Variants in SSBP3 observed in about 807,000 individuals in gnomAD.
SSBP3 encodes the protein single-stranded DNA-binding protein 3.
A neutral mutation model predicts 69.6 loss-of-function variants in SSBP3; 5 were observed. That is an observed-to-expected ratio of 0.07 (90% CI 0.04 to 0.15). The LOEUF is 0.15. SSBP3 is among the 10% of genes least tolerant of loss of function. The pLI is 1.00. For missense variants in SSBP3, 312 were observed against 534.0 expected, an observed-to-expected ratio of 0.58 and a Z score of 4.10; for synonymous variants, 196 against 193.4, an observed-to-expected ratio of 1.01 and a Z score of -0.11.
In SSBP3 at chr1:54,281,540, C is replaced by T. The variant is rs752893277; in HGVS notation, c.277-13G>A. 7 of 1,556,386 alleles carry T rather than the reference C, an allele frequency of 4.5e-6. No individual in the cohort carries two copies. Among genetic ancestry groups the T allele is most frequent in the Non-Finnish European group, 8.7e-7 (1 of 1,149,674 alleles). On this transcript the variant is annotated splice_polypyrimidine_tract_variant and intron_variant, in intron 4 of 17. Coordinates refer to ENST00000610401, the Ensembl canonical transcript of SSBP3. ...CAGCTGCTGCACTCTGTGGAGACAA[C>T]AAGGCAGAGAGTTAGTGGCCAAACC...
intron 14 of SSBP3, among the ~76,000 whole-genome samples, chr1:54,233,057 G>A (rs924328009): frequency 6.6e-6 from 1 of 151,590 alleles, no homozygotes; most frequent in African/African-American, 2.4e-5. Context: ...TGGGATGTGA[G>A]GAGCCCCTCT....
intron 4 of SSBP3, among the ~76,000 whole-genome samples, chr1:54,383,200 C>G (rs1570007006): frequency 6.6e-6 from 1 of 151,288 alleles, no homozygotes; most frequent in Admixed American, 6.6e-5. Flanking sequence ...ACAGTAAAAC[C>G]CCATCTCTAT....
At chr1:54,378,283 C>T (rs75403385) in intron 4 of SSBP3, among the ~76,000 whole-genome samples, 3 of 152,206 alleles carry the variant, frequency 2.0e-5, no homozygotes, top group East Asian at 1.9e-4. Flanking sequence ...CCCTAGTTAT[C>T]GCTAATCCTT....
chr1:54,413,030 A>AG (rs1650031771), intron 1 of SSBP3: 1 of 152,158 alleles, frequency 6.6e-6, no homozygotes, highest in Non-Finnish European at 1.5e-5. Context: ...TTTTTAAAAA[A>AG]CTAAAAAGAG....
chr1:54,292,592 T>C (rs1424864444), intron 4 of SSBP3, among the ~76,000 whole-genome samples: 2 of 151,906 alleles, frequency 1.3e-5, no homozygotes, highest in Non-Finnish European at 2.9e-5. Context: ...AACCCCAGAC[T>C]CCAGGGCGCA....
chr1:54,378,691 CTGT>C (rs1393371848), intron 4 of SSBP3, among the ~76,000 whole-genome samples: 1 of 152,166 alleles, frequency 6.6e-6, no homozygotes, highest in Non-Finnish European at 1.5e-5. Context: ...CTAGCTCCTT[CTGT>C]TGTTTCGAGG....
chr1:54,363,561 T>C (rs1283569275), intron 4 of SSBP3, among the ~76,000 whole-genome samples: 5 of 152,134 alleles, frequency 3.3e-5, no homozygotes, highest in African/African-American at 1.2e-4. Flanking sequence ...CAATCTTCTC[T>C]GGCCCTCAAA....
chr1:54,333,515 G>C (rs1292533790), intron 4 of SSBP3, among the ~76,000 whole-genome samples: 2 of 152,076 alleles, frequency 1.3e-5, no homozygotes, highest in South Asian at 4.2e-4. Context: ...GCCCACGCCT[G>C]TAAATCCCAG....
chr1:54,240,047 G>GGTGTGTGTGTGTGTGTGTGTGT (rs71066910), intron 13 of SSBP3, among the ~76,000 whole-genome samples: 53 of 77,758 alleles, frequency 6.8e-4, no homozygotes, highest in South Asian at 1.2e-3. Flanking sequence ...ATTGTGATGG[G>GGTGTGTGTGTGTGTGTGTGTGT]GTGTGTGTGT....
rs890919651 is a variant in SSBP3, at chr1:54,303,341, C to T, written c.277-21814G>A. Among the ~76,000 whole-genome samples the T allele has an allele frequency of 7.3e-5, 11 of 151,684 alleles. No homozygotes were observed. In the South Asian group the frequency reaches 1.0e-3, roughly 14 times the overall value. On this transcript the variant is annotated intron_variant, in intron 4 of 17. Coordinates refer to ENST00000610401, the Ensembl canonical transcript of SSBP3. ...CTTCTGATGCCTCGCTGCCCTTGTT[C>T]GGGCAGTTTGTTATCAACCCCGCCT... is the stretch of plus-strand genomic sequence containing the variant.
chr1:54,284,332 ATT>A (rs1314585862), intron 4 of SSBP3, among the ~76,000 whole-genome samples: 2 of 151,966 alleles, frequency 1.3e-5, no homozygotes, highest in African/African-American at 4.8e-5. Context: ...CTCTTAGGTC[ATT>A]ACCTTTTGAA....
intron 4 of SSBP3, among the ~76,000 whole-genome samples, chr1:54,400,253 A>G (rs950420215): frequency 6.6e-6 from 1 of 152,246 alleles, no homozygotes; most frequent in Non-Finnish European, 1.5e-5. Flanking sequence ...AAAATAGCAT[A>G]GATATGCTAC....
intron 4 of SSBP3, among the ~76,000 whole-genome samples, chr1:54,400,670 C>A (rs1649231171): frequency 6.6e-6 from 1 of 152,252 alleles, no homozygotes; most frequent in South Asian, 2.1e-4. Flanking sequence ...TTTTCATTCA[C>A]AACAAAACTG....
chr1:54,300,885 G>A (rs1013690590), intron 4 of SSBP3, among the ~76,000 whole-genome samples: 2 of 152,258 alleles, frequency 1.3e-5, no homozygotes, highest in South Asian at 4.2e-4. Context: ...ACAAATCTGC[G>A]TTACCTTGAA....
intron 3 of SSBP3, among the ~76,000 whole-genome samples, chr1:54,402,948 C>T (rs902579272): frequency 6.6e-6 from 1 of 152,230 alleles, no homozygotes; most frequent in African/African-American, 2.4e-5. Flanking sequence ...AGTCCTACTC[C>T]TGGTCCACTG....
intron 5 of SSBP3, among the ~76,000 whole-genome samples, chr1:54,267,364 A>G (rs1475376878): frequency 6.6e-6 from 1 of 152,222 alleles, no homozygotes; most frequent in African/African-American, 2.4e-5. Flanking sequence ...AGGTCCCAGT[A>G]CCCTGAGCTA....
intron 4 of SSBP3, among the ~76,000 whole-genome samples, chr1:54,307,664 T>A (rs1003838279): frequency 6.6e-6 from 1 of 152,104 alleles, no homozygotes; most frequent in South Asian, 2.1e-4. Flanking sequence ...CATAAAGACT[T>A]TGCTGATAAA....
Position 54,404,819 on chromosome 1 carries a change from G to GT in SSBP3, c.129+38_129+39insA, listed in dbSNP as rs1553151475. ...GGCTCTAAGAATAGTGGGGGGGGGG[G>GT]GTGTCAAGAAATTGGATGCTGGGGG... On this transcript the variant is annotated intron_variant, in intron 2 of 17. Coordinates refer to ENST00000610401, the Ensembl canonical transcript of SSBP3. The GT allele has an allele frequency of 9.3e-4, 1,000 of 1,079,956 alleles. 2 individuals are homozygous for GT. Among genetic ancestry groups the GT allele is most frequent in the Non-Finnish European group, 1.1e-3 (803 of 741,678 alleles). 66.9% of individuals were successfully genotyped at this position (1,079,956 alleles called of 1,614,324 possible). A position where few individuals can be genotyped will look rare whatever the true frequency, so the allele number is the denominator to read the frequency against.
chr1:54,241,059 C>T lies in SSBP3; in HGVS notation c.802-100G>A, dbSNP rs537393110. The T allele has an allele frequency of 1.3e-4, 166 of 1,323,576 alleles. No homozygotes were observed. The South Asian group carries it at 2.1e-3, about 17-fold the overall frequency. 82.0% of individuals were successfully genotyped at this position (1,323,576 alleles called of 1,614,324 possible). On this transcript the variant is annotated intron_variant, in intron 12 of 17. Transcript: ENST00000610401. ...CCTGGTCAGCAGCAACTGCTCGCCC[C>T]AGGCCCAGCCGCTATTCATCTTGCT...
Sources: gnomAD v4.1 joint callset for allele counts (sites outside exome capture counted in the v4.1 genomes callset) on GRCh38, gnomAD v4.1.1 for gene constraint, MANE v1.5 for transcripts, NCBI Gene and HGNC (gene_info 2026-07-23, HGNC 2026-07-21) for gene names.